The following SFRP1 variants were observed in gnomAD, a reference collection of about 807,000 sequenced individuals.
The protein encoded by SFRP1 is secreted frizzled related protein 1.
Under a neutral mutation model 25.9 loss-of-function variants are expected in SFRP1, and 9 were observed. The ratio of observed to expected loss-of-function variants is 0.35; its 90% CI spans 0.21 to 0.61. The LOEUF is 0.61. SFRP1 is among the 20% of genes least tolerant of loss of function. The pLI is 0.78. For synonymous variants in SFRP1, 178 were observed against 174.0 expected (o/e 1.02, Z -0.18); for missense variants, 346 against 418.2 (o/e 0.83, Z 1.51).
intron 2 of SFRP1, among the ~76,000 whole-genome samples, chr8:41,286,505 G>C (rs563898185): frequency 8.5e-4 from 130 of 152,196 alleles, no homozygotes; most frequent in African/African-American, 3.0e-3. Flanking sequence ...GAAGCGGGGC[G>C]GGGGGAGGGG....
chr8:41,280,044 G>C (rs760904244), intron 2 of SFRP1, among the ~76,000 whole-genome samples: 4 of 152,164 alleles, frequency 2.6e-5, no homozygotes, highest in Admixed American at 6.5e-5. Context: ...CTCTGACTCC[G>C]GCCCTTGGCG....
rs554699195 is a variant in SFRP1 at position 41,262,462 on chromosome 8, T to G, written c.*2705A>C. 5.9e-5 allele frequency: 9 copies of G among 152,292 alleles called. No individual in the cohort carries two copies. The South Asian group carries it at 1.7e-3, about 28-fold the overall frequency. The allele number at this position is 152,292 out of a possible 1,614,324, so 9.4% of individuals were successfully genotyped here. ...ATTGAATTCTACCCTGGGGAGAACT[T>G]GATGCTAACCCACAGGTACCAAGAG... On this transcript the variant is annotated 3_prime_UTR_variant, in exon 3 of 3. Transcript: ENST00000220772.
chr8:41,305,777 T>A (rs983552844), intron 1 of SFRP1, among the ~76,000 whole-genome samples: 1 of 152,230 alleles, frequency 6.6e-6, no homozygotes, highest in Non-Finnish European at 1.5e-5. Flanking sequence ...TTGTGATACA[T>A]CAATCCACAC....
intron 2 of SFRP1, among the ~76,000 whole-genome samples, chr8:41,276,208 G>A (rs1803570551): frequency 6.6e-6 from 1 of 152,218 alleles, no homozygotes. Flanking sequence ...AAGCCATGAA[G>A]ACAGAGCACT....
At chr8:41,274,839 A>G (rs776430184) in intron 2 of SFRP1, among the ~76,000 whole-genome samples, 70 of 152,330 alleles carry the variant, frequency 4.6e-4, no homozygotes, top group Non-Finnish European at 7.1e-4. Flanking sequence ...CAGTGTATAT[A>G]AAATATAAAT....
chr8:41,272,410 G>A (rs778643016), intron 2 of SFRP1, among the ~76,000 whole-genome samples: 8 of 152,316 alleles, frequency 5.3e-5, no homozygotes, highest in South Asian at 4.1e-4. Context: ...TCCAAGACCC[G>A]ACCAGCCTGG....
chr8:41,275,281 T>A (rs1300613092), intron 2 of SFRP1: 1 of 394,458 alleles, frequency 2.5e-6, no homozygotes, highest in East Asian at 9.7e-5. Context: ...GGCCTAGCCA[T>A]CTGGGATGAC....
chr8:41,277,559 G>C (rs1803586608), intron 2 of SFRP1, among the ~76,000 whole-genome samples: 1 of 152,192 alleles, frequency 6.6e-6, no homozygotes, highest in Admixed American at 6.5e-5. Context: ...GCAGACTGCT[G>C]GGCTCCACCC....
chr8:41,290,959 T>C (rs1282028838), intron 2 of SFRP1, among the ~76,000 whole-genome samples: 5 of 129,340 alleles, frequency 3.9e-5, no homozygotes, highest in Non-Finnish European at 7.9e-5. Flanking sequence ...CAGGCTAGAA[T>C]GCAGTGGCGC....
At chr8:41,273,599 T>C (rs1803537665) in intron 2 of SFRP1, among the ~76,000 whole-genome samples, 2 of 152,194 alleles carry the variant, frequency 1.3e-5, no homozygotes, top group South Asian at 4.1e-4. Flanking sequence ...CTAATTAGCA[T>C]GTACATCATC....
At chr8:41,300,944 G>A (rs1036042202) in intron 2 of SFRP1, among the ~76,000 whole-genome samples, 1 of 152,124 alleles carries the variant, frequency 6.6e-6, no homozygotes, top group African/African-American at 2.4e-5. Flanking sequence ...TTTTTTTCCT[G>A]TTGGGGAAAA....
Position 41,283,855 on chromosome 8 carries a change from G to A in SFRP1, c.623-18366C>T, listed in dbSNP as rs1376774834. On this transcript the variant is annotated intron_variant, in intron 2 of 2. Transcript: ENST00000220772. ...TGGGATTACAGGTGTGAGCCACCAC[G>A]CCCGGCCAAACTCCTCCAATTTTCT... is the stretch of plus-strand genomic sequence containing the variant. 2.6e-5 allele frequency among the ~76,000 whole-genome samples: 4 copies of A among 152,194 alleles called. No individual in the cohort carries two copies. In the East Asian group the frequency reaches 7.7e-4, roughly 29 times the overall value.
chr8:41,265,053 A>G lies in SFRP1; in HGVS notation c.*114T>C. 1.4e-6 allele frequency: 1 copy of G among 704,548 alleles called. No homozygotes were observed. Among genetic ancestry groups the G allele is most frequent in the South Asian group, 1.9e-5 (1 of 52,906 alleles). 43.6% of individuals were successfully genotyped at this position (704,548 alleles called of 1,614,324 possible). ...GCAAGAACAAGCCGACTGGATTACA[A>G]TGTCCACTACTGACAGGCGCAGTGC... On this transcript the variant is annotated 3_prime_UTR_variant, in exon 3 of 3. Coordinates refer to ENST00000220772, the MANE Select transcript of SFRP1 (RefSeq NM_003012.5).
intron 2 of SFRP1, among the ~76,000 whole-genome samples, chr8:41,296,936 C>T (rs1274611683): frequency 1.3e-5 from 2 of 152,204 alleles, no homozygotes; most frequent in African/African-American, 4.8e-5. Flanking sequence ...CTCACTAAAA[C>T]CCAGATCTCC....
chr8:41,291,918 A>T (rs558516737), intron 2 of SFRP1, among the ~76,000 whole-genome samples: 35 of 152,266 alleles, frequency 2.3e-4, no homozygotes, highest in Non-Finnish European at 4.9e-4. Flanking sequence ...TGCCTCAAAC[A>T]GGCCCCAGGA....
At chr8:41,308,497 C>T in intron 1 of SFRP1, 119 bp downstream of exon 1, 1 of 792,248 alleles carries the variant, frequency 1.3e-6, no homozygotes, top group East Asian at 2.7e-5. Flanking sequence ...AACCTCGGGC[C>T]CTCAGTCCCC....
chr8:41,303,221 G>A (rs1803950230), intron 2 of SFRP1, among the ~76,000 whole-genome samples: 1 of 151,858 alleles, frequency 6.6e-6, no homozygotes, highest in Non-Finnish European at 1.5e-5. Context: ...TAGAGAAGAT[G>A]CCCAAAAATC....
intron 2 of SFRP1, among the ~76,000 whole-genome samples, chr8:41,289,610 C>A (rs1340142998): frequency 3.9e-5 from 6 of 152,176 alleles, no homozygotes; most frequent in Non-Finnish European, 5.9e-5. Context: ...GATTACAGCA[C>A]CGCCTTTATG....
At chr8:41,289,025 C>T (rs1244099905) in intron 2 of SFRP1, among the ~76,000 whole-genome samples, 1 of 152,214 alleles carries the variant, frequency 6.6e-6, no homozygotes, top group Non-Finnish European at 1.5e-5. Context: ...AGTGGTCCTA[C>T]GCCCTCCAAT....
Sources: allele counts gnomAD v4.1 joint callset (sites outside exome capture counted in the v4.1 genomes callset), GRCh38; gene constraint gnomAD v4.1.1; transcripts MANE v1.5; gene names NCBI Gene and HGNC (gene_info 2026-07-23, HGNC 2026-07-21).